Variants in INPP5A observed in about 807,000 individuals in gnomAD.
The protein encoded by INPP5A is inositol polyphosphate-5-phosphatase A, also known as 43 kDa inositol polyphosphate 5-phophatase.
In INPP5A, 14 loss-of-function variants were observed where a neutral mutation model predicts 65.2. That is an observed-to-expected ratio of 0.21 (90% confidence interval 0.14 to 0.34). The LOEUF (loss-of-function observed/expected upper bound fraction) is 0.34, where lower values mean the gene tolerates loss of function less well. Ranked by LOEUF, INPP5A falls within the 10% of genes least tolerant of loss-of-function variation. The pLI is 1.00. For missense variants in INPP5A, 431 were observed against 545.6 expected (o/e 0.79, Z 2.09); for synonymous variants, 207 against 208.3 (o/e 0.99, Z 0.05).
rs935616316 is a variant in INPP5A, at chr10:132,545,188, G to T, written c.75+7017G>T. ...CTCTGGGATGGCTGTGCTCGGTGGG[G>T]GTCTGATTTTGGGGGAAGAGGCTGG... is the stretch of plus-strand genomic sequence containing the variant. On this transcript the variant is annotated intron_variant, in intron 1 of 15. Coordinates refer to ENST00000368594, the MANE Select transcript of INPP5A (RefSeq NM_005539.5). This position sits in a 1 kb window ranked among gnomAD's most constrained non-coding sequence, Gnocchi z 4.6. Among the ~76,000 whole-genome samples the T allele has an allele frequency of 4.6e-5, 7 of 152,176 alleles. No individual in the cohort carries two copies. Among genetic ancestry groups the T allele is most frequent in the African/African-American group, 1.7e-4 (7 of 41,432 alleles).
intron 8 of INPP5A, among the ~76,000 whole-genome samples, chr10:132,719,508 T>G (rs1590953490): frequency 6.8e-6 from 1 of 147,880 alleles, no homozygotes; most frequent in African/African-American, 2.6e-5. Flanking sequence ...GGGTTCTGTC[T>G]GGGCGCCTTA....
chr10:132,616,412 C>T lies in INPP5A; in HGVS notation c.117+8456C>T, dbSNP rs1345821063. Among the ~76,000 whole-genome samples, 3 of 151,142 alleles carry T rather than the reference C, an allele frequency of 2.0e-5. No homozygotes were observed. Among genetic ancestry groups the T allele is most frequent in the African/African-American group, 7.3e-5 (3 of 41,056 alleles). On this transcript the variant is annotated intron_variant, in intron 2 of 15. Coordinates refer to ENST00000368594, the MANE Select transcript of INPP5A (RefSeq NM_005539.5). This position sits in a 1 kb window ranked among gnomAD's most constrained non-coding sequence, Gnocchi z 4.9. Reference sequence around the variant, plus strand: ...TGAGGTATGTGGCGTGCGGGGACGCCGTGGGCGTGGTGTGGGATATGTGGT... The same window carrying T: ...TGAGGTATGTGGCGTGCGGGGACGCTGTGGGCGTGGTGTGGGATATGTGGT...
intron 1 of INPP5A, among the ~76,000 whole-genome samples, chr10:132,599,949 C>T (rs1413243356): frequency 6.6e-6 from 1 of 152,230 alleles, no homozygotes; most frequent in Non-Finnish European, 1.5e-5. Context: ...AGGCTGCACA[C>T]ATCATGGGGA....
chr10:132,708,390 A>G (rs375843411), intron 7 of INPP5A, 25 bp downstream of exon 7: 17 of 1,608,486 alleles, frequency 1.1e-5, no homozygotes, highest in East Asian at 2.2e-5. Flanking sequence ...TGCTTTGTCA[A>G]TTTCCATAAC....
chr10:132,737,659 G>A (rs1846201774), intron 9 of INPP5A, among the ~76,000 whole-genome samples: 2 of 152,266 alleles, frequency 1.3e-5, no homozygotes, highest in Non-Finnish European at 2.9e-5. Context: ...GTGGAGGTCA[G>A]GGCGGTGAGG....
intron 2 of INPP5A, among the ~76,000 whole-genome samples, chr10:132,614,355 TA>T (rs2072001893): frequency 6.6e-6 from 1 of 152,120 alleles, no homozygotes; most frequent in Non-Finnish European, 1.5e-5. Flanking sequence ...TAATCTCAGC[TA>T]CTTGGGAGGC....
At chr10:132,725,529 G>T (rs2134578805) in intron 8 of INPP5A, among the ~76,000 whole-genome samples, 1 of 152,364 alleles carries the variant, frequency 6.6e-6, no homozygotes, top group African/African-American at 2.4e-5. Flanking sequence ...TCAAGCGAAT[G>T]GATCAAGCTG....
chr10:132,748,962 T>C lies in INPP5A; in HGVS notation c.733-555T>C, dbSNP rs376586679. ...CTCTGGGCCCCTGCCCACCCCAGCC[T>C]GCGCCCCAGGGACTGGTTTGAGCCT... On this transcript the variant is annotated intron_variant, in intron 9 of 15. Coordinates refer to ENST00000368594, the MANE Select transcript of INPP5A (RefSeq NM_005539.5). Among the ~76,000 whole-genome samples the C allele has an allele frequency of 2.8e-3, 422 of 152,342 alleles. 6 individuals are homozygous for C. Among genetic ancestry groups the C allele is most frequent in the African/African-American group, 8.6e-3 (357 of 41,590 alleles).
chr10:132,744,932 C>T (rs1420755179), intron 9 of INPP5A, among the ~76,000 whole-genome samples: 1 of 152,220 alleles, frequency 6.6e-6, no homozygotes, highest in Non-Finnish European at 1.5e-5. Flanking sequence ...TTGTCCCTCC[C>T]GAAAGTGCTG....
chr10:132,684,326 C>T (rs530233601), intron 4 of INPP5A, among the ~76,000 whole-genome samples: 11 of 152,312 alleles, frequency 7.2e-5, no homozygotes, highest in African/African-American at 1.2e-4. Flanking sequence ...AGAGCTCCAG[C>T]GTCTCTGAGA....
chr10:132,561,721 T>TA (rs1212146225), intron 1 of INPP5A, among the ~76,000 whole-genome samples: 2 of 105,798 alleles, frequency 1.9e-5, no homozygotes, highest in Non-Finnish European at 3.8e-5. Context: ...TTTGTCAATT[T>TA]CCACACACAC....
Position 132,635,991 on chromosome 10 carries a change from A to G in INPP5A, c.118-9877A>G, listed in dbSNP as rs143753747. On this transcript the variant is annotated intron_variant, in intron 2 of 15. Transcript: ENST00000368594. ...AAATCCTATCTCAAAGACAAAAAAA[A>G]AAAAAAAAAAGGCATATTCAAGTGG... is the stretch of plus-strand genomic sequence containing the variant. Among the ~76,000 whole-genome samples, 41 of 151,864 alleles carry G rather than the reference A, an allele frequency of 2.7e-4. 1 individual carries two copies. In the East Asian group the frequency reaches 8.0e-3, roughly 30 times the overall value.
At chr10:132,738,699 G>A (rs1235939331) in intron 9 of INPP5A, among the ~76,000 whole-genome samples, 11 of 152,242 alleles carry the variant, frequency 7.2e-5, no homozygotes, top group Non-Finnish European at 1.3e-4. Flanking sequence ...CTGGAGTCCG[G>A]GAGCAACCTT....
At chr10:132,661,392 G>T (rs2072736175) in intron 4 of INPP5A, among the ~76,000 whole-genome samples, 1 of 152,150 alleles carries the variant, frequency 6.6e-6, no homozygotes, top group Non-Finnish European at 1.5e-5. Context: ...ACTTGTAAAT[G>T]ATGCCGTTGG....
intron 1 of INPP5A, among the ~76,000 whole-genome samples, chr10:132,580,919 A>G (rs991336546): frequency 2.0e-5 from 3 of 152,252 alleles, no homozygotes; most frequent in African/African-American, 7.2e-5. Flanking sequence ...TATACACAGC[A>G]AAATATACAG....
chr10:132,780,676 C>A (rs185491693), intron 13 of INPP5A, among the ~76,000 whole-genome samples, 173 bp from the exon 14 acceptor site: 2 of 152,258 alleles, frequency 1.3e-5, no homozygotes, highest in African/African-American at 4.8e-5. Flanking sequence ...ATGAGCTGGC[C>A]TCTCTCTCAG....
intron 4 of INPP5A, among the ~76,000 whole-genome samples, chr10:132,653,275 G>A (rs1384678281): frequency 2.0e-5 from 3 of 152,058 alleles, no homozygotes; most frequent in African/African-American, 2.4e-5. Flanking sequence ...CCCGAGGGCC[G>A]CGGCTGCCTC....
rs552817346 is a variant in INPP5A, at chr10:132,741,828, G to A, written c.733-7689G>A. ...GACGTAAACTGAGGTGGACGTTGGC[G>A]TCCGCGTCTGCTTGCTTTACTCCAT... On this transcript the variant is annotated intron_variant, in intron 9 of 15. Transcript: ENST00000368594. This position sits in a 1 kb window ranked among gnomAD's most constrained non-coding sequence, Gnocchi z 4.4. Among the ~76,000 whole-genome samples the A allele has an allele frequency of 2.5e-4, 38 of 151,758 alleles. No homozygotes were observed. The highest frequency in any genetic ancestry group is 8.2e-4 in the African/African-American group (34 of 41,422).
At chr10:132,630,734 C>G (rs1201437092) in intron 2 of INPP5A, among the ~76,000 whole-genome samples, 1 of 148,578 alleles carries the variant, frequency 6.7e-6, no homozygotes, top group Non-Finnish European at 1.5e-5. Context: ...GGGCCTCGGT[C>G]GCACCTGCCA....
Sources: allele counts gnomAD v4.1 joint callset (sites outside exome capture counted in the v4.1 genomes callset), GRCh38; gene constraint gnomAD v4.1.1; non-coding constraint Gnocchi (gnomAD v3.1); transcripts MANE v1.5; gene names NCBI Gene and HGNC (gene_info 2026-07-23, HGNC 2026-07-21).